The following CDK19 variants were observed in gnomAD, a reference collection of about 807,000 sequenced individuals.
CDK19 encodes cyclin-dependent kinase 19.
Under a neutral mutation model 68.3 loss-of-function variants are expected in CDK19, and 20 were observed. The ratio of observed to expected loss-of-function variants is 0.29; its 90% CI spans 0.21 to 0.43. The LOEUF (loss-of-function observed/expected upper bound fraction) is 0.43, where lower values mean the gene tolerates loss of function less well. Among genes scored for constraint, CDK19 ranks in the 20% least tolerant of loss-of-function variants. The pLI is 1.00. For synonymous variants in CDK19, 221 were observed against 222.8 expected (o/e 0.99, Z 0.07); for missense variants, 339 against 623.5 (o/e 0.54, Z 4.86).
At chr6:110,772,039 A>G (rs1201465686) in intron 1 of CDK19, among the ~76,000 whole-genome samples, 1 of 152,164 alleles carries the variant, frequency 6.6e-6, no homozygotes, top group Non-Finnish European at 1.5e-5. Context: ...TCTTCTTCTG[A>G]GCCCTTCAAA....
At chr6:110,714,960 C>G (rs1775259754) in intron 2 of CDK19, among the ~76,000 whole-genome samples, 1 of 152,052 alleles carries the variant, frequency 6.6e-6, no homozygotes, top group Admixed American at 6.6e-5. Flanking sequence ...TCTTGAACTC[C>G]TGACCTCAGG....
At chr6:110,710,487 A>G (rs1489308268) in intron 2 of CDK19, among the ~76,000 whole-genome samples, 1 of 152,238 alleles carries the variant, frequency 6.6e-6, no homozygotes, top group East Asian at 1.9e-4. Flanking sequence ...CCTTTGTCTC[A>G]GTCTGTTTGG....
chr6:110,673,358 A>G (rs984854696), intron 2 of CDK19, among the ~76,000 whole-genome samples: 2 of 152,180 alleles, frequency 1.3e-5, no homozygotes, highest in Non-Finnish European at 2.9e-5. Context: ...CTCAACAGAC[A>G]TTTAGGGTGT....
In CDK19 at chr6:110,640,456, G is replaced by A. The variant is rs964810257; in HGVS notation, c.457-1750C>T. Reference sequence around the variant, plus strand: ...AATGGCAAGGGAGGTATGGAGCTGAGAAGCATTTTAGAGGAGAAAATTAAC... The same window carrying A: ...AATGGCAAGGGAGGTATGGAGCTGAAAAGCATTTTAGAGGAGAAAATTAAC... On this transcript the variant is annotated intron_variant, in intron 4 of 12. Coordinates refer to ENST00000368911, the MANE Select transcript of CDK19 (RefSeq NM_015076.5). Among the ~76,000 whole-genome samples the A allele has an allele frequency of 3.9e-5, 6 of 152,192 alleles. No individual in the cohort carries two copies. In the South Asian group the frequency reaches 8.3e-4, roughly 21 times the overall value.
At chr6:110,638,333 G>A (rs970116923) in intron 5 of CDK19, among the ~76,000 whole-genome samples, 5 of 152,138 alleles carry the variant, frequency 3.3e-5, no homozygotes, top group African/African-American at 1.2e-4. Context: ...AGATTTAGAG[G>A]ATTATATTTA....
chr6:110,618,391 C>T (rs1778482947), intron 12 of CDK19, among the ~76,000 whole-genome samples: 1 of 152,230 alleles, frequency 6.6e-6, no homozygotes, highest in African/African-American at 2.4e-5. Flanking sequence ...CCTCAGCCTC[C>T]CAAAGTGTTG....
chr6:110,648,824 T>C (rs1029389781), intron 4 of CDK19, among the ~76,000 whole-genome samples: 3 of 152,122 alleles, frequency 2.0e-5, no homozygotes, highest in Non-Finnish European at 2.9e-5. Flanking sequence ...TTCACGCCAT[T>C]CTCCTGCTTC....
At chr6:110,629,474 C>T (rs1779302979) in intron 6 of CDK19, among the ~76,000 whole-genome samples, 1 of 152,184 alleles carries the variant, frequency 6.6e-6, no homozygotes, top group Non-Finnish European at 1.5e-5. Flanking sequence ...CTCACCTCAG[C>T]CTCCAGAATA....
intron 1 of CDK19, among the ~76,000 whole-genome samples, chr6:110,787,192 G>A (rs527818064): frequency 2.6e-5 from 4 of 152,222 alleles, no homozygotes; most frequent in East Asian, 3.9e-4. Flanking sequence ...TGGCCAACAT[G>A]GTGAAACCCT....
At chr6:110,704,970 G>A (rs1774317612) in intron 2 of CDK19, among the ~76,000 whole-genome samples, 1 of 151,850 alleles carries the variant, frequency 6.6e-6, no homozygotes, top group Non-Finnish European at 1.5e-5. Context: ...GATGGTACAA[G>A]CAACCAAAAA....
chr6:110,686,312 T>C (rs956724666), intron 2 of CDK19, among the ~76,000 whole-genome samples: 2 of 152,172 alleles, frequency 1.3e-5, no homozygotes, highest in South Asian at 2.1e-4. Context: ...GTGTGCCTTA[T>C]TGGAAAGAAG....
At chr6:110,775,936 G>C (rs1010314045) in intron 1 of CDK19, among the ~76,000 whole-genome samples, 33 of 152,302 alleles carry the variant, frequency 2.2e-4, no homozygotes, top group Admixed American at 1.7e-3. Flanking sequence ...TAATTGCTTT[G>C]TGACATCAGG....
chr6:110,688,810 C>G (rs1772727167), intron 2 of CDK19, among the ~76,000 whole-genome samples: 1 of 152,216 alleles, frequency 6.6e-6, no homozygotes, highest in African/African-American at 2.4e-5. Flanking sequence ...AGCCAGCTAA[C>G]TCAGGCAGTG....
At chr6:110,632,358 A>C (rs1779492112) in intron 5 of CDK19, among the ~76,000 whole-genome samples, 197 bp from the exon 6 acceptor site, 1 of 152,202 alleles carries the variant, frequency 6.6e-6, no homozygotes, top group African/African-American at 2.4e-5. Context: ...AAAGGAATTA[A>C]CTTCATTTAC....
At chr6:110,619,089 G>A (rs999536486) in intron 12 of CDK19, among the ~76,000 whole-genome samples, 3 of 152,104 alleles carry the variant, frequency 2.0e-5, no homozygotes, top group African/African-American at 7.2e-5. Context: ...ACACCTGACT[G>A]CCCCTCATGC....
chr6:110,642,794 G>C (rs1261946495), intron 4 of CDK19, among the ~76,000 whole-genome samples: 1 of 151,860 alleles, frequency 6.6e-6, no homozygotes, highest in Non-Finnish European at 1.5e-5. Context: ...AGGAGGGGAG[G>C]GGAGGGGAGG....
At chr6:110,698,509 A>C (rs754593077) in intron 2 of CDK19, among the ~76,000 whole-genome samples, 5 of 152,138 alleles carry the variant, frequency 3.3e-5, no homozygotes, top group Non-Finnish European at 7.4e-5. Flanking sequence ...AAAACAATAG[A>C]TGTTGTTGTG....
intron 1 of CDK19, among the ~76,000 whole-genome samples, chr6:110,758,770 T>C (rs578256378): frequency 3.3e-4 from 51 of 152,246 alleles, no homozygotes; most frequent in South Asian, 3.1e-3. Context: ...TAAAAGCAAG[T>C]ACCTCCTTCT....
chr6:110,696,381 A>G (rs1773487816), intron 2 of CDK19, among the ~76,000 whole-genome samples: 1 of 152,240 alleles, frequency 6.6e-6, no homozygotes, highest in Non-Finnish European at 1.5e-5. Flanking sequence ...ACAAACCCAC[A>G]GGCAACATGA....
Sources: allele counts gnomAD v4.1 joint callset (sites outside exome capture counted in the v4.1 genomes callset), GRCh38; gene constraint gnomAD v4.1.1; transcripts MANE v1.5; gene names NCBI Gene and HGNC (gene_info 2026-07-23, HGNC 2026-07-21).